Variants in EDIL3 observed in about 807,000 individuals in gnomAD.
EDIL3 encodes the protein EGF like and discoidin domains 3.
A neutral mutation model predicts 67.4 loss-of-function variants in EDIL3; 37 were observed. The ratio of observed to expected loss-of-function variants is 0.55; its 90% CI spans 0.42 to 0.72. The LOEUF is 0.72. EDIL3 is among the 30% of genes least tolerant of loss of function. The pLI, the probability that EDIL3 is intolerant of heterozygous loss-of-function variation, is 0.00. For synonymous variants in EDIL3, 195 were observed against 196.3 expected (o/e 0.99, Z 0.05); for missense variants, 527 against 586.3 (o/e 0.90, Z 1.04).
At chr5:84,052,055 G>C (rs1746349477) in intron 9 of EDIL3, among the ~76,000 whole-genome samples, 1 of 152,226 alleles carries the variant, frequency 6.6e-6, no homozygotes, top group African/African-American at 2.4e-5. Context: ...AGGGCAGCCA[G>C]AGAGAAAGGT....
intron 3 of EDIL3, among the ~76,000 whole-genome samples, chr5:84,203,056 A>G (rs527460662): frequency 6.6e-6 from 1 of 152,202 alleles, no homozygotes; most frequent in Non-Finnish European, 1.5e-5. Context: ...TTTTACAACC[A>G]AGTGACAGAG....
At chr5:83,948,279 G>A (rs1442280473) in intron 10 of EDIL3, among the ~76,000 whole-genome samples, 2 of 151,644 alleles carry the variant, frequency 1.3e-5, no homozygotes, top group African/African-American at 2.4e-5. Flanking sequence ...ATAAGGGACA[G>A]ATGCTTATTA....
chr5:84,215,263 T>C (rs923434053), intron 3 of EDIL3, among the ~76,000 whole-genome samples: 4 of 152,120 alleles, frequency 2.6e-5, no homozygotes, highest in African/African-American at 9.7e-5. Flanking sequence ...GCAGATTTTT[T>C]TTTTTCTTGA....
At chr5:84,024,053 G>C (rs146543649) in intron 9 of EDIL3, among the ~76,000 whole-genome samples, 1 of 152,198 alleles carries the variant, frequency 6.6e-6, no homozygotes, top group Admixed American at 6.6e-5. Context: ...CTAGGATTTA[G>C]AGATTATTTC....
intron 9 of EDIL3, among the ~76,000 whole-genome samples, chr5:84,026,472 A>AT (rs1242874895): frequency 1.3e-5 from 2 of 151,244 alleles, no homozygotes; most frequent in South Asian, 2.1e-4. Flanking sequence ...TTCAGTCATC[A>AT]TTTTTTTTCA....
At chr5:84,177,293 G>A (rs1187707082) in intron 4 of EDIL3, among the ~76,000 whole-genome samples, 4 of 151,970 alleles carry the variant, frequency 2.6e-5, no homozygotes, top group Non-Finnish European at 5.9e-5. Flanking sequence ...AAAAACACAC[G>A]GAGGAACCTT....
At chr5:84,257,664 G>T (rs1745145789) in intron 1 of EDIL3, among the ~76,000 whole-genome samples, 1 of 152,124 alleles carries the variant, frequency 6.6e-6, no homozygotes, top group Non-Finnish European at 1.5e-5. Context: ...AGGGATTATT[G>T]TATTTGAAAA....
chr5:83,962,397 A>G (rs1201364177), intron 10 of EDIL3, among the ~76,000 whole-genome samples: 1 of 151,442 alleles, frequency 6.6e-6, no homozygotes, highest in Non-Finnish European at 1.5e-5. Flanking sequence ...CACTAATCCA[A>G]CTGAGGCCAT....
intron 4 of EDIL3, among the ~76,000 whole-genome samples, chr5:84,161,088 A>G (rs1473396703): frequency 6.6e-6 from 1 of 151,926 alleles, no homozygotes; most frequent in Admixed American, 6.6e-5. Flanking sequence ...GAGAACATAC[A>G]ATAGTTGGTT....
intron 5 of EDIL3, among the ~76,000 whole-genome samples, chr5:84,115,302 A>C (rs921446333): frequency 2.6e-5 from 4 of 152,212 alleles, no homozygotes; most frequent in Non-Finnish European, 5.9e-5. Context: ...TTCCTTTAAA[A>C]TGTGGCTATG....
intron 6 of EDIL3, among the ~76,000 whole-genome samples, chr5:84,075,730 C>T (rs1746841038): frequency 6.6e-6 from 1 of 152,072 alleles, no homozygotes; most frequent in Non-Finnish European, 1.5e-5. Flanking sequence ...CCGTCTCGGC[C>T]TCCCAGAGTG....
intron 10 of EDIL3, among the ~76,000 whole-genome samples, chr5:83,959,941 C>G (rs1305607693): frequency 6.6e-6 from 1 of 150,820 alleles, no homozygotes; most frequent in East Asian, 2.0e-4. Flanking sequence ...AATACATTTT[C>G]TCATTTGTTT....
At position 84,016,296 on chromosome 5, in the gene EDIL3, A is replaced by T. The variant is rs381738; in HGVS notation, c.1137+44004T>A. On this transcript the variant is annotated intron_variant, in intron 9 of 10. Transcript: ENST00000296591. The stretch of plus-strand genomic sequence containing the variant: ...AAAGGGAATGTTTAAAGTAAAGTTG[A>T]GTAAATCTAGTTTATCGTCATGCAT... Among the ~76,000 whole-genome samples the T allele has an allele frequency of 1.8e-4, 27 of 152,204 alleles. 1 individual carries two copies. The highest frequency in any genetic ancestry group is 6.3e-4 in the African/African-American group (26 of 41,518).
At chr5:84,318,016 A>G (rs1205455722) in intron 1 of EDIL3, among the ~76,000 whole-genome samples, 1 of 152,226 alleles carries the variant, frequency 6.6e-6, no homozygotes, top group East Asian at 1.9e-4. Flanking sequence ...CTATACAGCA[A>G]TAACAGACAG....
chr5:84,071,590 CAA>C (rs1746741683), intron 6 of EDIL3, among the ~76,000 whole-genome samples: 1 of 152,054 alleles, frequency 6.6e-6, no homozygotes, highest in Non-Finnish European at 1.5e-5. Flanking sequence ...AGCAAAGAAG[CAA>C]AGAGACACAG....
rs1318891231 is a variant in EDIL3, at chr5:83,997,345, G to A, written c.1138-33985C>T. Reference sequence around the variant, plus strand: ...TAAACTAGATAGTGGCAATGAGGATGGAAAGAAATGCACAAATTGAAGAAA... The same window carrying A: ...TAAACTAGATAGTGGCAATGAGGATAGAAAGAAATGCACAAATTGAAGAAA... On this transcript the variant is annotated intron_variant, in intron 9 of 10. Coordinates refer to ENST00000296591, the MANE Select transcript of EDIL3 (RefSeq NM_005711.5). Among the ~76,000 whole-genome samples the A allele has an allele frequency of 2.6e-5, 4 of 152,110 alleles. No homozygotes were observed. In the East Asian group the frequency reaches 5.8e-4, roughly 22 times the overall value.
intron 1 of EDIL3, among the ~76,000 whole-genome samples, chr5:84,345,686 CAGATGCCAGGAAA>C (rs1249034908): frequency 6.6e-6 from 1 of 152,126 alleles, no homozygotes; most frequent in African/African-American, 2.4e-5. Flanking sequence ...AATAGCTGAA[CAGATGCCAGGAAA>C]AAGTATATTT....
At chr5:83,965,873 C>T (rs1290717774) in intron 9 of EDIL3, among the ~76,000 whole-genome samples, 4 of 151,996 alleles carry the variant, frequency 2.6e-5, no homozygotes, top group South Asian at 2.1e-4. Context: ...CTAAAATTTG[C>T]GACATTAAAC....
intron 4 of EDIL3, among the ~76,000 whole-genome samples, chr5:84,166,848 A>G (rs1748712884): frequency 6.6e-6 from 1 of 152,152 alleles, no homozygotes; most frequent in African/African-American, 2.4e-5. Context: ...GAGGCCAGGT[A>G]AATGATCACA....
Sources: allele counts gnomAD v4.1 joint callset (sites outside exome capture counted in the v4.1 genomes callset), GRCh38; gene constraint gnomAD v4.1.1; transcripts MANE v1.5; gene names NCBI Gene and HGNC (gene_info 2026-07-23, HGNC 2026-07-21).